Variants in STXBP4 observed in about 807,000 individuals in gnomAD.
STXBP4 encodes syntaxin binding protein 4, also known as syntaxin-binding protein 4.
A neutral mutation model predicts 76.1 loss-of-function variants in STXBP4; 55 were observed. The observed-to-expected ratio is 0.72, with a 90% CI of 0.58 to 0.91. STXBP4 has a LOEUF of 0.91. Ranked by LOEUF, STXBP4 falls within the 40% of genes least tolerant of loss-of-function variation. The pLI, the probability that STXBP4 is intolerant of heterozygous loss-of-function variation, is 0.00. For missense variants in STXBP4, 618 were observed against 636.9 expected (o/e 0.97, Z 0.32); for synonymous variants, 201 against 220.2 (o/e 0.91, Z 0.77).
At chr17:55,159,761 C>T (rs370776365) in intron 17 of STXBP4, 36 bp from the exon 18 acceptor site, 1 of 1,408,886 alleles carries the variant, frequency 7.1e-7, no homozygotes, top group African/African-American at 1.4e-5. Context: ...GAAGGACAGT[C>T]TTTCAGATTC....
Position 55,072,936 on chromosome 17 carries a change from C to G in STXBP4, c.1048C>G (p.Arg350Gly). 6.2e-7 allele frequency: 1 copy of G among 1,613,336 alleles called. No homozygotes were observed. Among genetic ancestry groups the G allele is most frequent in the Non-Finnish European group, 8.5e-7 (1 of 1,179,674 alleles). Residue 350 changes from arginine (R) to glycine (G), a missense_variant, in exon 13 of 18, where the codon CGT (arginine) becomes GGT (glycine). Physicochemically the swap from Arg to Gly is moderately radical, Grantham distance 125 (BLOSUM62 -2). Transcript: ENST00000376352. ...TGTAGTTGAAGAAACAAGAGCCCTG[C>G]GTAGTCGGATTCATCTTGCTGAAGC... ...KAVVEETRAL[R>G]SRIHLAEAAQ... is the part of the protein sequence containing the mutation.
chr17:55,112,120 G>C (rs960900751), intron 16 of STXBP4, among the ~76,000 whole-genome samples: 2 of 151,740 alleles, frequency 1.3e-5, no homozygotes, highest in Admixed American at 6.6e-5. Flanking sequence ...GGGTCTTGCT[G>C]TGTTGCCCAG....
At chr17:55,092,715 A>C (rs1033791503) in intron 16 of STXBP4, among the ~76,000 whole-genome samples, 10 of 152,208 alleles carry the variant, frequency 6.6e-5, no homozygotes, top group African/African-American at 2.4e-4. Context: ...TCTGAAGCTA[A>C]TTAGAAGTTA....
chr17:54,980,203 G>A (rs1230954582), intron 1 of STXBP4, among the ~76,000 whole-genome samples: 2 of 151,922 alleles, frequency 1.3e-5, no homozygotes, highest in African/African-American at 4.8e-5. Flanking sequence ...CAGAATTTGG[G>A]GTGGGAGGGA....
chr17:55,179,867 G>T, the STXBP4 span, among the ~76,000 whole-genome samples: 1 of 152,112 alleles, frequency 6.6e-6, no homozygotes, highest in Non-Finnish European at 1.5e-5. Context: ...GTTATATGTG[G>T]ATTTCTGACT....
intron 1 of STXBP4, among the ~76,000 whole-genome samples, chr17:54,972,975 C>G (rs2077421739): frequency 6.6e-6 from 1 of 152,098 alleles, no homozygotes; most frequent in Admixed American, 6.5e-5. Flanking sequence ...CCACTGGACA[C>G]CATCCAAACA....
chr17:54,981,335 T>C (rs557047735), intron 1 of STXBP4, among the ~76,000 whole-genome samples: 1 of 151,126 alleles, frequency 6.6e-6, no homozygotes, highest in Non-Finnish European at 1.5e-5. Flanking sequence ...TTACTAGATA[T>C]GATAGTGCCT....
intron 12 of STXBP4, among the ~76,000 whole-genome samples, chr17:55,070,527 C>G (rs923132980): frequency 6.6e-6 from 1 of 152,108 alleles, no homozygotes; most frequent in Non-Finnish European, 1.5e-5. Context: ...TCCTTTGAGT[C>G]AAGGGCATAG....
intron 9 of STXBP4, among the ~76,000 whole-genome samples, chr17:55,031,681 G>A (rs2078512039): frequency 6.6e-6 from 1 of 151,960 alleles, no homozygotes. Context: ...CCTTGGTATG[G>A]GAGGGGAATT....
intron 16 of STXBP4, among the ~76,000 whole-genome samples, chr17:55,109,636 T>C (rs1293720826): frequency 1.3e-5 from 2 of 150,180 alleles, no homozygotes; most frequent in East Asian, 1.9e-4. Context: ...TTTTTTTTTT[T>C]TTTTTTTTTT....
chr17:55,038,705 C>T (rs1173089882), intron 10 of STXBP4, among the ~76,000 whole-genome samples: 1 of 151,978 alleles, frequency 6.6e-6, no homozygotes, highest in Non-Finnish European at 1.5e-5. Flanking sequence ...TACTCTAAAC[C>T]TAGCAATAGC....
At chr17:55,065,080 G>T (rs1395006151) in intron 12 of STXBP4, among the ~76,000 whole-genome samples, 1 of 152,146 alleles carries the variant, frequency 6.6e-6, no homozygotes, top group African/African-American at 2.4e-5. Flanking sequence ...TATAGGGTCT[G>T]TATGGGGCTA....
chr17:55,046,394 C>T (rs1223594419), intron 11 of STXBP4, among the ~76,000 whole-genome samples: 1 of 151,936 alleles, frequency 6.6e-6, no homozygotes, highest in Non-Finnish European at 1.5e-5. Context: ...ATCTTTACCA[C>T]TCAATTTAAT....
intron 16 of STXBP4, among the ~76,000 whole-genome samples, chr17:55,087,913 A>G (rs192688209): frequency 6.6e-6 from 1 of 152,092 alleles, no homozygotes; most frequent in Non-Finnish European, 1.5e-5. Flanking sequence ...TAGCCTCTTC[A>G]GTTTCTTCCA....
At chr17:55,033,340 C>T (rs978305186) in intron 9 of STXBP4, among the ~76,000 whole-genome samples, 1 of 151,972 alleles carries the variant, frequency 6.6e-6, no homozygotes, top group Admixed American at 6.6e-5. Flanking sequence ...TGCCACTGCA[C>T]TCCAGCCTGG....
chr17:55,077,597 G>A lies in STXBP4; in HGVS notation c.1189-481G>A, dbSNP rs571849226. On this transcript the variant is annotated intron_variant, in intron 13 of 17. Coordinates refer to ENST00000376352, the MANE Select transcript of STXBP4 (RefSeq NM_178509.6). Reference sequence around the variant, plus strand: ...TACCCTCCGAACAAATAATGCTTCAGTGCTCTCTTACCCCAGTGGGCTCAC... The same window carrying A: ...TACCCTCCGAACAAATAATGCTTCAATGCTCTCTTACCCCAGTGGGCTCAC... 9.7e-4 allele frequency among the ~76,000 whole-genome samples: 147 copies of A among 151,990 alleles called. 1 individual carries two copies. The highest frequency in any genetic ancestry group is 3.5e-3 in the African/African-American group (145 of 41,458).
rs541327433 is a variant in STXBP4 at position 55,163,458 on chromosome 17, C to T, written c.*3547C>T. 41 of 152,200 alleles carry T rather than the reference C, an allele frequency of 2.7e-4. No individual in the cohort carries two copies. The highest frequency in any genetic ancestry group is 9.2e-4 in the Admixed American group (14 of 15,284). The allele number at this position is 152,200 out of a possible 1,614,324, so 9.4% of individuals were successfully genotyped here. On this transcript the variant is annotated 3_prime_UTR_variant, in exon 18 of 18. Transcript: ENST00000376352. ...TTCAAATGAGCTAACTTGGGTGAGA[C>T]GTTCACTAAAGTACCAAGCACAATA...
intron 16 of STXBP4, among the ~76,000 whole-genome samples, chr17:55,125,647 G>A (rs561777067): frequency 6.6e-6 from 1 of 152,172 alleles, no homozygotes; most frequent in African/African-American, 2.4e-5. Flanking sequence ...ACTAGGATAA[G>A]GCAACAAGGT....
chr17:55,141,432 C>A, intron 17 of STXBP4, 65 bp downstream of exon 17: 2 of 1,369,450 alleles, frequency 1.5e-6, no homozygotes, highest in East Asian at 2.4e-5. Context: ...CTGGAAGTTG[C>A]AGAATAATCA....
Sources: allele counts gnomAD v4.1 joint callset (sites outside exome capture counted in the v4.1 genomes callset), GRCh38; gene constraint gnomAD v4.1.1; transcripts MANE v1.5; gene names NCBI Gene and HGNC (gene_info 2026-07-23, HGNC 2026-07-21).